The following GLIS3 variants were observed in gnomAD, a reference collection of about 807,000 sequenced individuals.
GLIS3 encodes the protein zinc finger protein GLIS3.
Under a neutral mutation model 78.6 loss-of-function variants are expected in GLIS3, and 53 were observed. That is an observed-to-expected ratio of 0.67 (90% confidence interval 0.54 to 0.85). The LOEUF is 0.85. Among genes scored for constraint, GLIS3 ranks in the 40% least tolerant of loss-of-function variants. The pLI, the probability that GLIS3 is intolerant of heterozygous loss-of-function variation, is 0.00. For missense variants in GLIS3, 1,703 were observed against 1,231.1 expected, an observed-to-expected ratio of 1.38 and a Z score of -5.74; for synonymous variants, 684 against 509.9, an observed-to-expected ratio of 1.34 and a Z score of -4.60.
intron 4 of GLIS3, among the ~76,000 whole-genome samples, chr9:3,944,014 G>A (rs2130817840): frequency 1.3e-5 from 2 of 152,256 alleles, no homozygotes; most frequent in Middle Eastern, 6.8e-3. Context: ...TATTTTTGAT[G>A]AAGAAATCTG....
intron 2 of GLIS3, among the ~76,000 whole-genome samples, chr9:4,280,700 G>A (rs1229864106): frequency 1.3e-5 from 2 of 152,004 alleles, no homozygotes; most frequent in East Asian, 1.9e-4. Context: ...AACAGATCTG[G>A]GAGGAGTTGT....
chr9:3,934,410 ATTTT>A (rs71308889), intron 5 of GLIS3, among the ~76,000 whole-genome samples: 28 of 138,478 alleles, frequency 2.0e-4, no homozygotes, highest in African/African-American at 6.6e-4. Flanking sequence ...TTTCTATTTG[ATTTT>A]TTTTTTTTTT....
chr9:4,061,269 A>T lies in GLIS3; in HGVS notation c.1710+56499T>A, dbSNP rs536117850. 1.7e-4 allele frequency among the ~76,000 whole-genome samples: 23 copies of T among 134,466 alleles called. No homozygotes were observed. The South Asian group carries it at 4.2e-3, about 24-fold the overall frequency. The allele number at this position is 134,466 out of a possible 152,430, so 88.2% of individuals were successfully genotyped here. Reference sequence around the variant, plus strand: ...TGTGATGTTCCCTTTCCTGTGTCCAAGTGTTCTAACTGTTCAATTCCCACC... The same window carrying T: ...TGTGATGTTCCCTTTCCTGTGTCCATGTGTTCTAACTGTTCAATTCCCACC... On this transcript the variant is annotated intron_variant, in intron 4 of 10. Coordinates refer to ENST00000381971, the MANE Select transcript of GLIS3 (RefSeq NM_001042413.2).
At chr9:3,971,306 G>A (rs1482436105) in intron 4 of GLIS3, among the ~76,000 whole-genome samples, 6 of 152,266 alleles carry the variant, frequency 3.9e-5, no homozygotes, top group South Asian at 2.1e-4. Context: ...GCTTGAGGCT[G>A]AATTCTATTT....
chr9:3,889,635 A>T (rs1385609752), intron 7 of GLIS3, among the ~76,000 whole-genome samples: 2 of 152,190 alleles, frequency 1.3e-5, no homozygotes, highest in Non-Finnish European at 2.9e-5. Context: ...AGTCATTTTG[A>T]TGAATGTCTC....
At chr9:4,449,532 AC>A in the GLIS3 span, among the ~76,000 whole-genome samples, 3 of 152,012 alleles carry the variant, frequency 2.0e-5, no homozygotes, top group African/African-American at 2.4e-5. Flanking sequence ...TGGGTCCCTG[AC>A]CCCCGTGTAG....
At chr9:3,965,115 C>T (rs1817833425) in intron 4 of GLIS3, among the ~76,000 whole-genome samples, 1 of 151,342 alleles carries the variant, frequency 6.6e-6, no homozygotes, top group Non-Finnish European at 1.5e-5. Flanking sequence ...TTCTATGGTG[C>T]TTAAATGCAC....
chr9:4,254,070 G>A (rs1824673966), intron 2 of GLIS3, among the ~76,000 whole-genome samples: 1 of 152,190 alleles, frequency 6.6e-6, no homozygotes, highest in South Asian at 2.1e-4. Flanking sequence ...CCACCTCGAG[G>A]AAGAGAATTT....
upstream of GLIS3, among the ~76,000 whole-genome samples, chr9:4,351,576 ATTGTTCAGAT>A (rs913858309): frequency 2.4e-4 from 36 of 152,210 alleles, no homozygotes; most frequent in Non-Finnish European, 4.6e-4. Context: ...TTTCCATTTA[ATTGTTCAGAT>A]TTAGTGAAAT....
chr9:4,054,771 C>T (rs892095021), intron 4 of GLIS3, among the ~76,000 whole-genome samples: 2 of 151,908 alleles, frequency 1.3e-5, no homozygotes, highest in African/African-American at 4.8e-5. Context: ...TTTATGGTCT[C>T]TCTCTGTGTG....
At chr9:4,275,957 C>G (rs1381219714) in intron 2 of GLIS3, among the ~76,000 whole-genome samples, 1 of 151,948 alleles carries the variant, frequency 6.6e-6, no homozygotes, top group Non-Finnish European at 1.5e-5. Flanking sequence ...CTGTACAAGT[C>G]CAAGGCTGTT....
chr9:4,478,734 A>G, the GLIS3 span, among the ~76,000 whole-genome samples: 3 of 152,234 alleles, frequency 2.0e-5, no homozygotes, highest in African/African-American at 7.2e-5. Flanking sequence ...TATTTAGGGT[A>G]ACCAAATAGT....
At chr9:3,976,125 T>G (rs1296322988) in intron 4 of GLIS3, among the ~76,000 whole-genome samples, 2 of 152,138 alleles carry the variant, frequency 1.3e-5, no homozygotes, top group Non-Finnish European at 1.5e-5. Flanking sequence ...AAAAAATATT[T>G]TGACAATTTG....
At chr9:4,437,132 A>C in the GLIS3 span, among the ~76,000 whole-genome samples, 6 of 152,086 alleles carry the variant, frequency 3.9e-5, no homozygotes, top group Non-Finnish European at 8.8e-5. Flanking sequence ...CAGTGTGAAG[A>C]TTTTCTCACC....
intron 2 of GLIS3, among the ~76,000 whole-genome samples, chr9:4,343,148 G>A (rs922269375): frequency 1.3e-5 from 2 of 150,592 alleles, no homozygotes; most frequent in South Asian, 2.1e-4. Context: ...AGACCAGCCT[G>A]GGCAACATAG....
chr9:3,915,127 G>C (rs1008674253), intron 6 of GLIS3, among the ~76,000 whole-genome samples: 3 of 152,172 alleles, frequency 2.0e-5, no homozygotes, highest in African/African-American at 4.8e-5. Flanking sequence ...TGAAGCCCAA[G>C]ACAGGGACTA....
chr9:4,237,273 A>G (rs1294906669), intron 2 of GLIS3, among the ~76,000 whole-genome samples: 2 of 152,154 alleles, frequency 1.3e-5, no homozygotes, highest in Non-Finnish European at 2.9e-5. Context: ...TAGCCGGTTA[A>G]GTACAGTACA....
At chr9:4,120,328 G>A (rs1002346991) in intron 3 of GLIS3, among the ~76,000 whole-genome samples, 2 of 152,158 alleles carry the variant, frequency 1.3e-5, no homozygotes, top group East Asian at 1.9e-4. Context: ...TGTTACCATC[G>A]AGTGAAGTAA....
chr9:3,909,065 C>A (rs1274952047), intron 6 of GLIS3, among the ~76,000 whole-genome samples: 5 of 152,128 alleles, frequency 3.3e-5, no homozygotes, highest in Non-Finnish European at 7.4e-5. Context: ...TCCCTTTGTT[C>A]TCCAGAAATC....
Sources: allele counts gnomAD v4.1 joint callset (sites outside exome capture counted in the v4.1 genomes callset), GRCh38; gene constraint gnomAD v4.1.1; transcripts MANE v1.5; gene names NCBI Gene and HGNC (gene_info 2026-07-23, HGNC 2026-07-21).